WASL: variants seen among roughly 807,000 people sequenced by gnomAD.
WASL encodes WASP like actin nucleation promoting factor, also known as actin nucleation-promoting factor WASL.
WASL carries 20 observed loss-of-function variants against 55.5 expected under a neutral mutation model. The ratio of observed to expected loss-of-function variants is 0.36; its 90% CI spans 0.25 to 0.52. The LOEUF is 0.52. Among genes scored for constraint, WASL ranks in the 20% least tolerant of loss-of-function variants. WASL has a pLI of 0.92. For missense variants in WASL, 504 were observed against 622.5 expected (o/e 0.81, Z 2.03); for synonymous variants, 249 against 217.6 (o/e 1.14, Z -1.27).
chr7:123,705,835 T>C (rs34824298), intron 4 of WASL, among the ~76,000 whole-genome samples: 21,769 of 152,138 alleles, frequency 0.14, 1,913 homozygotes, highest in African/African-American at 0.22. Flanking sequence ...ACTCTGCTTA[T>C]TTGCTTCTAA....
intron 2 of WASL, among the ~76,000 whole-genome samples, chr7:123,707,707 T>C (rs547532936): frequency 2.0e-5 from 3 of 152,330 alleles, no homozygotes; most frequent in Non-Finnish European, 4.4e-5. Context: ...CATTTCTAAA[T>C]AGTGCTTCTC....
At chr7:123,706,422 G>T in intron 3 of WASL, 49 bp from the exon 4 acceptor site, 1 of 1,513,374 alleles carries the variant, frequency 6.6e-7, no homozygotes, top group Non-Finnish European at 9.1e-7. Flanking sequence ...TATGAATTTA[G>T]CTTTATATCA....
At chr7:123,692,913 T>C in intron 8 of WASL, 46 bp from the exon 9 acceptor site, 1 of 1,335,810 alleles carries the variant, frequency 7.5e-7, no homozygotes, top group Non-Finnish European at 9.6e-7. Context: ...TTTCTTCTCA[T>C]AAACATCATA....
In WASL at chr7:123,689,093, C is replaced by CCA; in HGVS notation, c.1403_1404dup (p.Gly469TrpfsTer4). 6.2e-7 allele frequency: 1 copy of CCA among 1,612,458 alleles called. No individual in the cohort carries two copies. The highest frequency in any genetic ancestry group is 8.5e-7 in the Non-Finnish European group (1 of 1,179,372). ...TTCTGCATCACTTCCATTAATGCAC[C>CCA]CACAATTCCTGAAGTGGGTGCAGGT... On this transcript the variant is annotated frameshift_variant, in exon 10 of 11. Transcript: ENST00000223023. LOFTEE classifies it high-confidence loss of function.
At chr7:123,691,449 G>A (rs1203301070) in intron 9 of WASL, among the ~76,000 whole-genome samples, 1 of 152,018 alleles carries the variant, frequency 6.6e-6, no homozygotes, top group Non-Finnish European at 1.5e-5. Context: ...ATGGCTGAAA[G>A]AAAATAAGAG....
At position 123,700,004 on chromosome 7, in the gene WASL, G is replaced by A. The variant is rs943580748; in HGVS notation, c.461-3257C>T. ...ATCCTGGCTAACACGGTGAAACCCC[G>A]TCTCTACTAACAATACAAAAAATTA... On this transcript the variant is annotated intron_variant, in intron 5 of 10. Coordinates refer to ENST00000223023, the MANE Select transcript of WASL (RefSeq NM_003941.4). Among the ~76,000 whole-genome samples the A allele has an allele frequency of 9.9e-5, 15 of 151,630 alleles. 1 individual carries two copies. In the South Asian group the frequency reaches 1.0e-3, roughly 11 times the overall value.
intron 1 of WASL, among the ~76,000 whole-genome samples, chr7:123,737,019 A>G (rs185307860): frequency 3.3e-5 from 5 of 152,326 alleles, no homozygotes; most frequent in African/African-American, 1.2e-4. Flanking sequence ...AATGAAAGAA[A>G]TAGAAGAAAC....
chr7:123,716,659 G>C (rs544978711), intron 1 of WASL, among the ~76,000 whole-genome samples: 1 of 151,914 alleles, frequency 6.6e-6, no homozygotes, highest in Non-Finnish European at 1.5e-5. Context: ...AAGAGAGAGG[G>C]AGAGAGAAAG....
chr7:123,732,287 G>A (rs548100508), intron 1 of WASL, among the ~76,000 whole-genome samples: 3 of 152,204 alleles, frequency 2.0e-5, no homozygotes, highest in East Asian at 1.9e-4. Flanking sequence ...CCGAGACTGC[G>A]CCACTGCACT....
At chr7:123,701,791 T>C (rs1803594524) in intron 5 of WASL, among the ~76,000 whole-genome samples, 1 of 152,166 alleles carries the variant, frequency 6.6e-6, no homozygotes, top group Non-Finnish European at 1.5e-5. Flanking sequence ...GATAGTTGAA[T>C]GCAAAGCAGT....
Position 123,692,681 on chromosome 7 carries a change from G to A in WASL, c.1013C>T (p.Pro338Leu), listed in dbSNP as rs371192595. 80 of 1,535,054 alleles carry A rather than the reference G, an allele frequency of 5.2e-5. No homozygotes were observed. The highest frequency in any genetic ancestry group is 6.5e-5 in the Non-Finnish European group (74 of 1,144,404). The change falls in exon 9 of 11, where the codon CCG (proline) becomes CTG (leucine). Residue 338 changes from proline (P) to leucine (L), a missense_variant. Physicochemically the swap from Pro to Leu is moderately conservative, Grantham distance 98. Transcript: ENST00000223023. ...SRPSVAVPPP[P>L]PNRMYPPPPP... ...TGGAGGAGGGTACATCCTATTTGGC[G>A]GTGGTGGAGGGACTGCTACACTTGG...
At chr7:123,713,330 T>G (rs910302367) in intron 1 of WASL, among the ~76,000 whole-genome samples, 2 of 152,018 alleles carry the variant, frequency 1.3e-5, no homozygotes, top group Non-Finnish European at 2.9e-5. Flanking sequence ...TTTTCTAATT[T>G]TTTGTAGAGA....
At chr7:123,715,580 A>G (rs1455292139) in intron 1 of WASL, among the ~76,000 whole-genome samples, 1 of 152,240 alleles carries the variant, frequency 6.6e-6, no homozygotes, top group Non-Finnish European at 1.5e-5. Flanking sequence ...CAGTATAGTT[A>G]TGACAAATTT....
At chr7:123,725,969 G>A (rs897874559) in intron 1 of WASL, among the ~76,000 whole-genome samples, 1 of 152,108 alleles carries the variant, frequency 6.6e-6, no homozygotes, top group Non-Finnish European at 1.5e-5. Flanking sequence ...AGTGTTTTAA[G>A]CAAACATAAG....
chr7:123,723,411 T>C lies in WASL; in HGVS notation c.118-14188A>G, dbSNP rs563791839. The stretch of plus-strand genomic sequence containing the variant: ...TAACTAAAAAAACACTTCAATACAG[T>C]AGAGAGTAAATATTTTGAACGATGG... On this transcript the variant is annotated intron_variant, in intron 1 of 10. Transcript: ENST00000223023. 4.6e-5 allele frequency among the ~76,000 whole-genome samples: 7 copies of C among 152,202 alleles called. No homozygotes were observed. The South Asian group carries it at 6.2e-4, about 14-fold the overall frequency.
intron 1 of WASL, among the ~76,000 whole-genome samples, chr7:123,739,902 GTGTGTGTGTGTGTA>G (rs58599576): frequency 0.28 from 24,423 of 88,620 alleles, 2,110 homozygotes; most frequent in East Asian, 0.41. Flanking sequence ...GTGTGTGTGT[GTGTGTGTGTGTGTA>G]TATATATATA....
At chr7:123,703,176 T>C (rs751721058) in intron 5 of WASL, among the ~76,000 whole-genome samples, 1 of 152,190 alleles carries the variant, frequency 6.6e-6, no homozygotes, top group Non-Finnish European at 1.5e-5. Context: ...ATATTTACCC[T>C]GTGTCTCAGT....
At position 123,744,290 on chromosome 7, in the gene WASL, C is replaced by T. The variant is rs145167841; in HGVS notation, c.117+4328G>A. Among the ~76,000 whole-genome samples, 959 of 152,304 alleles carry T rather than the reference C, an allele frequency of 6.3e-3. 9 individuals carry two copies. Among genetic ancestry groups the T allele is most frequent in the African/African-American group, 0.021 (888 of 41,574 alleles). On this transcript the variant is annotated intron_variant, in intron 1 of 10. Transcript: ENST00000223023. ...GTCCAGATACCATGTGCATTAGAAA[C>T]TGAAGGGCTTAACAACCTAATCAAG... is the stretch of plus-strand genomic sequence containing the variant.
chr7:123,713,654 G>C (rs10238422), intron 1 of WASL, among the ~76,000 whole-genome samples: 69,506 of 151,910 alleles, frequency 0.46, 16,159 homozygotes, highest in South Asian at 0.67. Context: ...CATTCTAAGT[G>C]TTCTCATTAT....
Sources: gnomAD v4.1 joint callset for allele counts (sites outside exome capture counted in the v4.1 genomes callset) on GRCh38, gnomAD v4.1.1 for gene constraint, MANE v1.5 for transcripts, NCBI Gene and HGNC (gene_info 2026-07-23, HGNC 2026-07-21) for gene names.